The following UMODL1 variants were observed in gnomAD, a reference collection of about 807,000 sequenced individuals.
The protein encoded by UMODL1 is uromodulin like 1.
In UMODL1, 128 loss-of-function variants were observed where a neutral mutation model predicts 136.3. That is an observed-to-expected ratio of 0.94 (90% CI 0.81 to 1.09). The LOEUF is 1.09. Ranked by LOEUF, UMODL1 falls within the 50% of genes least tolerant of loss-of-function variation. The pLI is 0.00. For synonymous variants in UMODL1, 721 were observed against 720.0 expected, an observed-to-expected ratio of 1.00 and a Z score of -0.02; for missense variants, 1,766 against 1,725.6, an observed-to-expected ratio of 1.02 and a Z score of -0.41.
chr21:42,071,343 G>A lies in UMODL1; in HGVS notation c.27G>A (p.Leu9=). The A allele has an allele frequency of 6.3e-7, 1 of 1,596,040 alleles. No homozygotes were observed. Among genetic ancestry groups the A allele is most frequent in the South Asian group, 1.1e-5 (1 of 88,350 alleles). MLRTSGLA[L]LALVSAVGPS... The stretch of plus-strand genomic sequence containing the variant: ...TGCTCAGGACCTCGGGGCTGGCACT[G>A]CTGGCTCTGGTCAGTGCTGTGGGCC... The change falls in exon 1 of 23, where the codon CTG becomes CTA. Residue 9 remains leucine, a synonymous_variant. Transcript: ENST00000408910.
chr21:42,112,416 A>AC (rs987470155), intron 12 of UMODL1, among the ~76,000 whole-genome samples: 3 of 144,056 alleles, frequency 2.1e-5, no homozygotes, highest in African/African-American at 7.8e-5. Flanking sequence ...GTTCTTCTGC[A>AC]CCCCCAGCTG....
chr21:42,108,834 T>C (rs1569160039), intron 9 of UMODL1, among the ~76,000 whole-genome samples: 1 of 71,280 alleles, frequency 1.4e-5, no homozygotes, highest in Non-Finnish European at 2.7e-5. Context: ...CTCTAGAATA[T>C]GGCGCGGGAA....
chr21:42,107,555 A>G (rs997545700), intron 9 of UMODL1, among the ~76,000 whole-genome samples: 3 of 152,036 alleles, frequency 2.0e-5, no homozygotes, highest in African/African-American at 4.8e-5. Context: ...TCCTTTCCTT[A>G]GGTTCACGGG....
intron 18 of UMODL1, 52 bp from the exon 19 acceptor site, chr21:42,126,954 A>G: frequency 6.9e-7 from 1 of 1,451,546 alleles, no homozygotes; most frequent in Non-Finnish European, 9.7e-7. Flanking sequence ...GGGAGGGGCC[A>G]CGATAATGCG....
intron 8 of UMODL1, chr21:42,103,446 A>G: frequency 2.8e-6 from 1 of 354,818 alleles, no homozygotes; most frequent in Admixed American, 3.7e-5. Context: ...TTTGTGTGGG[A>G]TACAGCCTAG....
intron 6 of UMODL1, chr21:42,094,050 C>G: frequency 2.4e-6 from 1 of 423,588 alleles, no homozygotes; most frequent in African/African-American, 2.0e-5. Flanking sequence ...TTATTTTTAC[C>G]CTGGTCAGTC....
At chr21:42,140,965 C>T (rs981893482) in intron 22 of UMODL1, among the ~76,000 whole-genome samples, 1 of 151,910 alleles carries the variant, frequency 6.6e-6, no homozygotes, top group African/African-American at 2.4e-5. Flanking sequence ...CCCATTGCCT[C>T]CCATCCTGGG....
At chr21:42,128,268 A>G (rs893338837) in intron 20 of UMODL1, 1 of 286,856 alleles carries the variant, frequency 3.5e-6, no homozygotes, top group Non-Finnish European at 6.8e-6. Context: ...TTCAACAATC[A>G]TGCAGGGATA....
chr21:42,094,855 G>A (rs973622059), intron 6 of UMODL1, among the ~76,000 whole-genome samples: 29 of 132,272 alleles, frequency 2.2e-4, no homozygotes, highest in South Asian at 5.4e-4. Context: ...TAAGTTTCCC[G>A]GGTTTCCCTA....
At chr21:42,141,661 T>C (rs547807301) in intron 22 of UMODL1, among the ~76,000 whole-genome samples, 16 of 152,314 alleles carry the variant, frequency 1.1e-4, no homozygotes, top group Admixed American at 2.6e-4. Flanking sequence ...GTCTCACCAG[T>C]TCTAAAGTTC....
chr21:42,088,188 G>T (rs1249088979), intron 4 of UMODL1, 106 bp from the exon 5 acceptor site: 1 of 1,184,728 alleles, frequency 8.4e-7, no homozygotes, highest in Non-Finnish European at 1.2e-6. Flanking sequence ...AGAGCAGAAT[G>T]GTACGTGTGT....
intron 9 of UMODL1, among the ~76,000 whole-genome samples, chr21:42,108,128 G>A (rs141291067): frequency 6.6e-6 from 1 of 152,212 alleles, no homozygotes; most frequent in African/African-American, 2.4e-5. Context: ...GAGCTGTCTG[G>A]GGGGACGGAG....
At chr21:42,072,024 G>A (rs1484028150) in intron 1 of UMODL1, among the ~76,000 whole-genome samples, 1 of 150,348 alleles carries the variant, frequency 6.7e-6, no homozygotes, top group Non-Finnish European at 1.5e-5. Flanking sequence ...CTGCAGCCTG[G>A]GCGGCAGAGC....
chr21:42,108,286 G>T (rs751373549), intron 9 of UMODL1: 3 of 512,770 alleles, frequency 5.9e-6, no homozygotes, highest in South Asian at 4.4e-5. Flanking sequence ...AGCACCCCCA[G>T]GAGAGTTACC....
Position 42,137,513 on chromosome 21 carries a change from G to T in UMODL1, c.3850G>T (p.Val1284Leu), listed in dbSNP as rs1205155546. The T allele has an allele frequency of 6.2e-7, 1 of 1,614,120 alleles. No individual in the cohort carries two copies. Among genetic ancestry groups the T allele is most frequent in the Admixed American group, 1.7e-5 (1 of 60,008 alleles). Residue 1284 changes from valine (V) to leucine (L), a missense_variant, in exon 22 of 23, where the codon GTG (valine) becomes TTG (leucine). Transcript: ENST00000408910. ...TATTGTGGTGGCCATCTTCGTGCTG[G>T]TGGCGGGAACAGCCACCCTTCTGAT... ...VLIVVAIFVL[V>L]AGTATLLIVR... is the part of the protein sequence containing the mutation.
At chr21:42,094,031 TC>T in intron 6 of UMODL1, 1 of 433,650 alleles carries the variant, frequency 2.3e-6, no homozygotes, top group Non-Finnish European at 4.7e-6. Flanking sequence ...ACAGGTATTT[TC>T]CAAATAGTTA....
Position 42,122,774 on chromosome 21 carries a change from C to G in UMODL1, c.2828-57C>G. 6.6e-7 allele frequency: 1 copy of G among 1,520,020 alleles called. No homozygotes were observed. Among genetic ancestry groups the G allele is most frequent in the East Asian group, 2.3e-5 (1 of 43,596 alleles). The allele number at this position is 1,520,020 out of a possible 1,614,324, so 94.2% of individuals were successfully genotyped here. On this transcript the variant is annotated intron_variant, in intron 16 of 22. Transcript: ENST00000408910. This position sits in a 1 kb window ranked among gnomAD's most constrained non-coding sequence, Gnocchi z 4.3. ...CAGTCTGCTCCTTACCCCTGCCCCT[C>G]CATGCCAACCCCAAACACAGAGCCA...
chr21:42,087,786 G>A (rs2066442589), intron 4 of UMODL1, among the ~76,000 whole-genome samples: 1 of 152,130 alleles, frequency 6.6e-6, no homozygotes, highest in Admixed American at 6.6e-5. Flanking sequence ...ACAGTTCTGG[G>A]GGCTGAAGAG....
At chr21:42,101,754 T>A (rs2066636317) in intron 7 of UMODL1, 1 of 456,758 alleles carries the variant, frequency 2.2e-6, no homozygotes, top group Non-Finnish European at 4.4e-6. Flanking sequence ...TTCTGGAACC[T>A]CCCGGGCAGG....
Sources: allele counts gnomAD v4.1 joint callset (sites outside exome capture counted in the v4.1 genomes callset), GRCh38; gene constraint gnomAD v4.1.1; non-coding constraint Gnocchi (gnomAD v3.1); transcripts MANE v1.5; gene names NCBI Gene and HGNC (gene_info 2026-07-23, HGNC 2026-07-21).